The following MIA2 variants were observed in gnomAD, a reference collection of about 807,000 sequenced individuals.
MIA2 encodes the protein MIA SH3 domain ER export factor 2, also known as melanoma inhibitory activity protein 2.
MIA2 carries 127 observed loss-of-function variants against 167.8 expected under a neutral mutation model. The ratio of observed to expected loss-of-function variants is 0.76; its 90% CI spans 0.66 to 0.88. The LOEUF (loss-of-function observed/expected upper bound fraction) is 0.88, where lower values mean the gene tolerates loss of function less well. MIA2 is among the 40% of genes least tolerant of loss of function. The pLI is 0.00. For missense variants in MIA2, 1,690 were observed against 1,624.7 expected, an observed-to-expected ratio of 1.04 and a Z score of -0.69; for synonymous variants, 552 against 541.9, an observed-to-expected ratio of 1.02 and a Z score of -0.26.
chr14:39,366,307 C>T (rs1175607533), intron 23 of MIA2, among the ~76,000 whole-genome samples: 9 of 152,066 alleles, frequency 5.9e-5, no homozygotes, highest in Non-Finnish European at 2.9e-5. Flanking sequence ...TATTCTTGGG[C>T]TTCTGGGTAA....
intron 13 of MIA2, among the ~76,000 whole-genome samples, chr14:39,298,298 A>G (rs1211727100): frequency 6.6e-6 from 1 of 151,196 alleles, no homozygotes; most frequent in Non-Finnish European, 1.5e-5. Context: ...ATGTTTTAAT[A>G]CTGTATACTG....
intron 23 of MIA2, among the ~76,000 whole-genome samples, chr14:39,376,984 T>A (rs1458910668): frequency 6.6e-6 from 1 of 152,220 alleles, no homozygotes; most frequent in African/African-American, 2.4e-5. Context: ...TCAGCTTAAA[T>A]TTTTCCATTT....
chr14:39,306,281 A>G (rs1241739751), intron 17 of MIA2, among the ~76,000 whole-genome samples: 1 of 152,148 alleles, frequency 6.6e-6, no homozygotes, highest in Non-Finnish European at 1.5e-5. Flanking sequence ...TGAAACTGAG[A>G]AGTTTGTAAA....
intron 25 of MIA2, among the ~76,000 whole-genome samples, chr14:39,343,606 C>T (rs1357054178): frequency 6.6e-6 from 1 of 152,104 alleles, no homozygotes; most frequent in Non-Finnish European, 1.5e-5. Context: ...TTTTTCTTAT[C>T]TTTTTTTCTT....
intron 23 of MIA2, chr14:39,370,446 G>T: frequency 4.1e-6 from 1 of 245,910 alleles, no homozygotes; most frequent in South Asian, 6.2e-5. Context: ...TATGCTTGTG[G>T]GATGGTGGGC....
At chr14:39,331,677 G>T (rs2068911830) in intron 25 of MIA2, among the ~76,000 whole-genome samples, 1 of 152,124 alleles carries the variant, frequency 6.6e-6, no homozygotes, top group African/African-American at 2.4e-5. Flanking sequence ...CTAAGCATTT[G>T]CTTTTCTGTA....
intron 23 of MIA2, among the ~76,000 whole-genome samples, chr14:39,358,287 C>G (rs1025370280): frequency 1.3e-5 from 2 of 152,170 alleles, no homozygotes; most frequent in Admixed American, 1.3e-4. Context: ...TTTCTTCTCG[C>G]TTCATTTCAT....
At chr14:39,334,367 C>T (rs1025232726) in intron 25 of MIA2, among the ~76,000 whole-genome samples, 49 of 151,578 alleles carry the variant, frequency 3.2e-4, no homozygotes, top group African/African-American at 4.6e-4. Context: ...CTCAGCTACT[C>T]GGGAGGCTGA....
chr14:39,284,721 A>G (rs1392555721), intron 9 of MIA2, among the ~76,000 whole-genome samples: 1 of 150,732 alleles, frequency 6.6e-6, no homozygotes, highest in Non-Finnish European at 1.5e-5. Context: ...TTTTGATGCT[A>G]TGTAAATAGG....
chr14:39,288,585 C>G (rs1387580177), intron 9 of MIA2, among the ~76,000 whole-genome samples: 1 of 149,944 alleles, frequency 6.7e-6, no homozygotes, highest in Non-Finnish European at 1.5e-5. Flanking sequence ...AGCGATTCTC[C>G]TGCCTCAGCC....
downstream of MIA2, among the ~76,000 whole-genome samples, chr14:39,353,171 TTTATCATTTCTGTACATATGA>T (rs1567043507): frequency 6.6e-6 from 1 of 152,212 alleles, no homozygotes; most frequent in Non-Finnish European, 1.5e-5. Flanking sequence ...ATCTTGAGTA[TTTATCATTTCTGTACATATGA>T]TTATCATTTC....
In MIA2 at chr14:39,238,793, C is replaced by CAAAAAA. The variant is rs769534317; in HGVS notation, c.249+1751_250-1750dup. Among the ~76,000 whole-genome samples, 26 of 30,816 alleles carry CAAAAAA rather than the reference C, an allele frequency of 8.4e-4. 2 individuals carry two copies. The East Asian group carries it at 0.016, about 19-fold the overall frequency. The allele number at this position is 30,816 out of a possible 152,430, so 20.2% of individuals were successfully genotyped here. On this transcript the variant is annotated intron_variant, in intron 2 of 28. Transcript: ENST00000640607. The stretch of plus-strand genomic sequence containing the variant: ...TGGGTTACAAAGTGAGACCCTGTCT[C>CAAAAAA]AAAAAAAAAAAAAAAAAACCCAAAA...
intron 21 of MIA2, among the ~76,000 whole-genome samples, chr14:39,316,953 G>A (rs966777609): frequency 2.0e-5 from 3 of 151,992 alleles, no homozygotes; most frequent in Admixed American, 6.6e-5. Flanking sequence ...AATATGCTGA[G>A]GTCCAGAGGT....
intron 9 of MIA2, among the ~76,000 whole-genome samples, 171 bp downstream of exon 9, chr14:39,279,708 G>A (rs541279704): frequency 6.6e-6 from 1 of 152,282 alleles, no homozygotes; most frequent in Non-Finnish European, 1.5e-5. Flanking sequence ...TTTAACCATT[G>A]TAGTAGGTGT....
chr14:39,284,863 A>G (rs1366392704), intron 9 of MIA2, among the ~76,000 whole-genome samples: 1 of 151,974 alleles, frequency 6.6e-6, no homozygotes, highest in Non-Finnish European at 1.5e-5. Context: ...AAGTGAACAA[A>G]GGTCTCTGGT....
At chr14:39,350,065 T>TA in intron 28 of MIA2, 33 bp from the exon 29 acceptor site, 1 of 906,188 alleles carries the variant, frequency 1.1e-6, no homozygotes, top group Non-Finnish European at 1.7e-6. Context: ...TTCTTAAAGT[T>TA]AAAAAATGTC....
intron 9 of MIA2, among the ~76,000 whole-genome samples, chr14:39,285,339 G>A (rs867075083): frequency 2.2e-4 from 34 of 151,266 alleles, no homozygotes; most frequent in Middle Eastern, 7.0e-3. Context: ...GGGCAGAGGC[G>A]CCCCCCCACC....
rs568543470 is a variant in MIA2, at chr14:39,385,338, C to T, written c.2249-1547C>T. 3.7e-6 allele frequency: 3 copies of T among 801,032 alleles called. No homozygotes were observed. In the East Asian group the frequency reaches 7.4e-5, roughly 20 times the overall value. 49.6% of individuals were successfully genotyped at this position (801,032 alleles called of 1,614,324 possible). A position where few individuals can be genotyped will look rare whatever the true frequency, so the allele number is the denominator to read the frequency against. ...CAAATCCTCTTTAAAAAAAAAAGTT[C>T]AGGTTATACTCACTTGCACAAACAA... On this transcript the variant is annotated intron_variant, in intron 23 of 23. Transcript: ENST00000341502.
At chr14:39,257,597 T>C (rs1041204096) in intron 6 of MIA2, among the ~76,000 whole-genome samples, 1 of 152,202 alleles carries the variant, frequency 6.6e-6, no homozygotes, top group African/African-American at 2.4e-5. Context: ...AAGGTTAATA[T>C]TGTTATGTGT....
Sources: gnomAD v4.1 joint callset for allele counts (sites outside exome capture counted in the v4.1 genomes callset) on GRCh38, gnomAD v4.1.1 for gene constraint, MANE v1.5 for transcripts, NCBI Gene and HGNC (gene_info 2026-07-23, HGNC 2026-07-21) for gene names.